The following ASAP1 variants were observed in gnomAD, a reference collection of about 807,000 sequenced individuals.
The protein encoded by ASAP1 is arf-GAP with SH3 domain, ANK repeat and PH domain-containing protein 1.
Under a neutral mutation model 145.2 loss-of-function variants are expected in ASAP1, and 43 were observed. That is an observed-to-expected ratio of 0.30 (90% CI 0.23 to 0.38). The LOEUF is 0.38. ASAP1 is among the 10% of genes least tolerant of loss of function. ASAP1 has a pLI of 1.00. For synonymous variants in ASAP1, 546 were observed against 515.5 expected (o/e 1.06, Z -0.80); for missense variants, 1,018 against 1,355.3 (o/e 0.75, Z 3.91).
intron 2 of ASAP1, among the ~76,000 whole-genome samples, chr8:130,365,051 C>T (rs986607569): frequency 2.0e-5 from 3 of 152,214 alleles, no homozygotes; most frequent in African/African-American, 7.2e-5. Context: ...TCCCTGACAG[C>T]ATTCAGGGAC....
intron 3 of ASAP1, among the ~76,000 whole-genome samples, chr8:130,336,829 T>TA (rs1825065986): frequency 6.6e-6 from 1 of 152,186 alleles, no homozygotes; most frequent in South Asian, 2.1e-4. Context: ...GCTAAAAAGA[T>TA]ACTAAACTCC....
Position 130,072,824 on chromosome 8 carries a change from T to TGTGCGTGCGTGCGCGCGCGCGCGC in ASAP1, c.2701+3523_2701+3524insGCGCGCGCGCGCGCACGCACGCAC. Among the ~76,000 whole-genome samples, 5 of 32,316 alleles carry TGTGCGTGCGTGCGCGCGCGCGCGC rather than the reference T, an allele frequency of 1.5e-4. No homozygotes were observed. In the South Asian group the frequency reaches 8.5e-3, roughly 55 times the overall value. 21.2% of individuals were successfully genotyped at this position (32,316 alleles called of 152,430 possible). A position where few individuals can be genotyped will look rare whatever the true frequency, so the allele number is the denominator to read the frequency against. On this transcript the variant is annotated intron_variant, in intron 27 of 29. Transcript: ENST00000518721. ...GTGTGTGTGTGTGTGTGTGTGTGTG[T>TGTGCGTGCGTGCGCGCGCGCGCGC]GCGCGCGGGGGGGGGCAGTTTTGGG...
chr8:130,139,759 C>CAA (rs71572327), intron 13 of ASAP1, among the ~76,000 whole-genome samples: 16 of 139,752 alleles, frequency 1.1e-4, no homozygotes, highest in East Asian at 2.1e-4. Flanking sequence ...AAACAAAAAA[C>CAA]AAAAAAAAAA....
chr8:130,353,707 T>C lies in ASAP1; in HGVS notation c.186+4310A>G, dbSNP rs968625972. 1.3e-5 allele frequency among the ~76,000 whole-genome samples: 2 copies of C among 152,098 alleles called. 1 individual carries two copies. Among genetic ancestry groups the C allele is most frequent in the Non-Finnish European group, 2.9e-5 (2 of 68,018 alleles). The stretch of plus-strand genomic sequence containing the variant: ...CAACATGATGAAACTGCGTCTCTAT[T>C]AGAAATACAAAAATTAGCCAGGCAT... On this transcript the variant is annotated intron_variant, in intron 3 of 29. Transcript: ENST00000518721.
chr8:130,274,650 T>C (rs1346862794), intron 3 of ASAP1, among the ~76,000 whole-genome samples: 1 of 152,222 alleles, frequency 6.6e-6, no homozygotes, highest in African/African-American at 2.4e-5. Context: ...GATGACATAA[T>C]ATTTCATTCA....
At chr8:130,152,063 C>T (rs1347329397) in intron 13 of ASAP1, among the ~76,000 whole-genome samples, 2 of 152,206 alleles carry the variant, frequency 1.3e-5, no homozygotes, top group African/African-American at 4.8e-5. Flanking sequence ...AGCTGTAAGT[C>T]ATACAAAATT....
intron 1 of ASAP1, among the ~76,000 whole-genome samples, chr8:130,424,191 G>A (rs1829826818): frequency 6.6e-6 from 1 of 152,200 alleles, no homozygotes. Context: ...AAATGGGAGA[G>A]TTGCAAAATG....
intron 3 of ASAP1, among the ~76,000 whole-genome samples, chr8:130,337,350 C>T (rs1384804298): frequency 1.3e-5 from 2 of 152,152 alleles, no homozygotes; most frequent in African/African-American, 2.4e-5. Flanking sequence ...GGGTTGATTT[C>T]CTGTACCACC....
At position 130,117,003 on chromosome 8, in the gene ASAP1, ATT is replaced by A. The variant is rs776121700; in HGVS notation, c.1881-10_1881-9del. 1.3e-6 allele frequency: 2 copies of A among 1,583,684 alleles called. No homozygotes were observed. Among genetic ancestry groups the A allele is most frequent in the Middle Eastern group, 1.8e-4 (1 of 5,664 alleles). ...TGCTTATCCAGGTTCCCACTGAAAA[ATT>A]AGATGATGATTAGAAAAAAATGACT... On this transcript the variant is annotated splice_polypyrimidine_tract_variant and intron_variant, in intron 20 of 29. Coordinates refer to ENST00000518721, the MANE Select transcript of ASAP1 (RefSeq NM_018482.4).
intron 29 of ASAP1, among the ~76,000 whole-genome samples, chr8:130,055,431 C>T (rs2097401763): frequency 6.6e-6 from 1 of 151,774 alleles, no homozygotes; most frequent in African/African-American, 2.4e-5. Flanking sequence ...GACCATTAAG[C>T]TGTGTCAGCT....
intron 20 of ASAP1, among the ~76,000 whole-genome samples, chr8:130,117,544 T>C (rs2097558334): frequency 6.6e-6 from 1 of 152,212 alleles, no homozygotes; most frequent in Non-Finnish European, 1.5e-5. Flanking sequence ...TGAGCTCTAG[T>C]TCCTCCTCAT....
At chr8:130,125,861 T>C (rs1029002662) in intron 17 of ASAP1, 95 bp downstream of exon 17, 85 of 1,260,542 alleles carry the variant, frequency 6.7e-5, no homozygotes, top group Non-Finnish European at 3.7e-5. Flanking sequence ...TATAATTCTT[T>C]GTACTCAGCA....
chr8:130,114,187 T>C (rs1240040057), intron 23 of ASAP1, among the ~76,000 whole-genome samples: 1 of 152,178 alleles, frequency 6.6e-6, no homozygotes, highest in Non-Finnish European at 1.5e-5. Context: ...TTCTGAGAAA[T>C]GTGTTAGGTG....
chr8:130,408,327 C>T (rs963051723), intron 1 of ASAP1, among the ~76,000 whole-genome samples: 1 of 152,208 alleles, frequency 6.6e-6, no homozygotes, highest in African/African-American at 2.4e-5. Context: ...CCCTTCCCAA[C>T]GTGAGTGGGC....
In ASAP1 at chr8:130,301,317, A is replaced by G. The variant is rs78997077; in HGVS notation, c.186+56700T>C. Among the ~76,000 whole-genome samples, 565 of 152,292 alleles carry G rather than the reference A, an allele frequency of 3.7e-3. 4 individuals are homozygous for G. Among genetic ancestry groups the G allele is most frequent in the Non-Finnish European group, 6.1e-3 (418 of 68,016 alleles). On this transcript the variant is annotated intron_variant, in intron 3 of 29. Coordinates refer to ENST00000518721, the MANE Select transcript of ASAP1 (RefSeq NM_018482.4). ...AGCCTCCTTTATTCCACCCACAAACAAAACAGTGTGTTCTGAGAAACGATG... is the reference window on the plus strand; with the variant it reads ...AGCCTCCTTTATTCCACCCACAAACGAAACAGTGTGTTCTGAGAAACGATG...
At chr8:130,226,142 T>C (rs1204395934) in intron 4 of ASAP1, among the ~76,000 whole-genome samples, 1 of 151,576 alleles carries the variant, frequency 6.6e-6, no homozygotes, top group East Asian at 1.9e-4. Context: ...CCTCCCAAAG[T>C]GCTGTGATTA....
At chr8:130,066,666 G>A (rs529084081) in intron 27 of ASAP1, among the ~76,000 whole-genome samples, 68 of 149,570 alleles carry the variant, frequency 4.5e-4, no homozygotes, top group African/African-American at 1.7e-3. Context: ...GTTTAGAATA[G>A]TTCCTATACC....
intron 3 of ASAP1, among the ~76,000 whole-genome samples, chr8:130,307,019 T>C (rs537822420): frequency 9.2e-5 from 14 of 152,218 alleles, no homozygotes; most frequent in Non-Finnish European, 8.8e-5. Flanking sequence ...GCAGCTCAAA[T>C]ATAATTTCCT....
intron 3 of ASAP1, 35 bp downstream of exon 3, chr8:130,357,982 C>T: frequency 1.3e-6 from 2 of 1,583,056 alleles, no homozygotes; most frequent in Non-Finnish European, 1.7e-6. Flanking sequence ...GCGGCAGCGG[C>T]GAGCGTGGAC....
Sources: gnomAD v4.1 joint callset for allele counts (sites outside exome capture counted in the v4.1 genomes callset) on GRCh38, gnomAD v4.1.1 for gene constraint, MANE v1.5 for transcripts, NCBI Gene and HGNC (gene_info 2026-07-23, HGNC 2026-07-21) for gene names.